Variants in GRIK2 observed in about 807,000 individuals in gnomAD.
The protein encoded by GRIK2 is glutamate receptor ionotropic, kainate 2.
GRIK2 carries 32 observed loss-of-function variants against 100.3 expected under a neutral mutation model. The ratio of observed to expected loss-of-function variants is 0.32; its 90% confidence interval spans 0.24 to 0.43. The LOEUF (loss-of-function observed/expected upper bound fraction) is 0.43. GRIK2 is among the 20% of genes least tolerant of loss of function. The pLI is 1.00. For missense variants in GRIK2, 843 were observed against 1,114.9 expected, an observed-to-expected ratio of 0.76 and a Z score of 3.47; for synonymous variants, 417 against 389.4, an observed-to-expected ratio of 1.07 and a Z score of -0.83.
chr6:101,783,622 G>T (rs1287927212), intron 7 of GRIK2, among the ~76,000 whole-genome samples: 1 of 152,196 alleles, frequency 6.6e-6, no homozygotes, highest in East Asian at 1.9e-4. Flanking sequence ...AAGTACACAG[G>T]AAAGTGGGGA....
intron 12 of GRIK2, among the ~76,000 whole-genome samples, chr6:101,901,494 T>G (rs1350432100): frequency 6.7e-6 from 1 of 149,800 alleles, no homozygotes; most frequent in Non-Finnish European, 1.5e-5. Flanking sequence ...TTATAATAAT[T>G]TGTAATCCCA....
intron 14 of GRIK2, among the ~76,000 whole-genome samples, chr6:101,998,277 G>T (rs1475936591): frequency 6.6e-6 from 1 of 152,132 alleles, no homozygotes; most frequent in Non-Finnish European, 1.5e-5. Context: ...GTGGACCACA[G>T]TTGACTGCAG....
intron 11 of GRIK2, among the ~76,000 whole-genome samples, chr6:101,864,445 TG>T (rs1179580708): frequency 6.6e-6 from 1 of 152,174 alleles, no homozygotes. Context: ...TTTTAAAACC[TG>T]AGCCCTAGTC....
chr6:101,523,720 C>CTTTTTTTTTTTTTTTTTT (rs1163558120), intron 2 of GRIK2, among the ~76,000 whole-genome samples: 1 of 121,546 alleles, frequency 8.2e-6, no homozygotes. Flanking sequence ...ACTCCTAAGT[C>CTTTTTTTTTTTTTTTTTT]TTTTTTTTTT....
At chr6:101,526,952 G>A (rs190799562) in intron 2 of GRIK2, among the ~76,000 whole-genome samples, 6 of 152,272 alleles carry the variant, frequency 3.9e-5, no homozygotes, top group East Asian at 1.9e-4. Context: ...AGGTTCCAAC[G>A]GGTGTACATC....
intron 7 of GRIK2, 62 bp from the exon 8 acceptor site, chr6:101,799,586 C>A: frequency 7.4e-7 from 1 of 1,354,326 alleles, no homozygotes; most frequent in South Asian, 1.2e-5. Flanking sequence ...TCCTTGCAAA[C>A]CATCTACCAC....
At chr6:101,792,241 C>G (rs963244993) in intron 7 of GRIK2, among the ~76,000 whole-genome samples, 2 of 151,240 alleles carry the variant, frequency 1.3e-5, no homozygotes, top group African/African-American at 4.9e-5. Flanking sequence ...TGAATTTGAT[C>G]CTGTCATTAT....
At chr6:101,571,594 G>T (rs1478667977) in intron 2 of GRIK2, among the ~76,000 whole-genome samples, 1 of 151,968 alleles carries the variant, frequency 6.6e-6, no homozygotes, top group African/African-American at 2.4e-5. Context: ...TAGTGATTCT[G>T]GCCTGGAAAT....
intron 2 of GRIK2, among the ~76,000 whole-genome samples, chr6:101,546,492 A>G (rs1002182882): frequency 6.6e-6 from 1 of 152,206 alleles, no homozygotes; most frequent in Non-Finnish European, 1.5e-5. Context: ...TTAAGAGCAC[A>G]GATTAGAGAC....
chr6:101,706,573 G>A (rs1270871707), intron 7 of GRIK2, among the ~76,000 whole-genome samples: 2 of 151,944 alleles, frequency 1.3e-5, no homozygotes, highest in Non-Finnish European at 2.9e-5. Context: ...AGATATGCCT[G>A]TGAAAGATAA....
intron 8 of GRIK2, 143 bp downstream of exon 8, chr6:101,799,934 CATTTTTACTAAATA>C (rs1360649868): frequency 1.6e-6 from 1 of 639,072 alleles, no homozygotes; most frequent in Non-Finnish European, 2.7e-6. Flanking sequence ...GCAAAATTAA[CATTTTTACTAAATA>C]ATACCAAATG....
At chr6:101,508,422 A>G (rs953709058) in intron 2 of GRIK2, among the ~76,000 whole-genome samples, 1 of 152,048 alleles carries the variant, frequency 6.6e-6, no homozygotes, top group Non-Finnish European at 1.5e-5. Context: ...CGTTCCTGAG[A>G]CTAAGTCATC....
rs114270740 is a variant in GRIK2, at chr6:101,966,812, C to T, written c.2085+38180C>T. Among the ~76,000 whole-genome samples, 1,245 of 152,170 alleles carry T rather than the reference C, an allele frequency of 8.2e-3. 17 individuals are homozygous for T. Among genetic ancestry groups the T allele is most frequent in the African/African-American group, 0.029 (1,194 of 41,538 alleles). On this transcript the variant is annotated intron_variant, in intron 14 of 16. Coordinates refer to ENST00000369134, the MANE Select transcript of GRIK2 (RefSeq NM_021956.5). Reference sequence around the variant, plus strand: ...TTTAATGGTTGATTTTTAGCTAAGTCTTATAATCCAAGGCAAATACAATTT... The same window carrying T: ...TTTAATGGTTGATTTTTAGCTAAGTTTTATAATCCAAGGCAAATACAATTT...
At chr6:101,805,670 C>G (rs534484432) in intron 9 of GRIK2, among the ~76,000 whole-genome samples, 3 of 151,984 alleles carry the variant, frequency 2.0e-5, no homozygotes, top group African/African-American at 7.2e-5. Context: ...TAGAGGAAAC[C>G]TGCCAATAAT....
chr6:101,698,618 T>TAGCA (rs1772664182), intron 7 of GRIK2, among the ~76,000 whole-genome samples: 1 of 152,130 alleles, frequency 6.6e-6, no homozygotes, highest in Non-Finnish European at 1.5e-5. Flanking sequence ...TATGTATTGC[T>TAGCA]ATTCATTCAT....
chr6:101,532,574 A>T (rs1775497892), intron 2 of GRIK2, among the ~76,000 whole-genome samples: 1 of 150,424 alleles, frequency 6.6e-6, no homozygotes, highest in Non-Finnish European at 1.5e-5. Flanking sequence ...TGTCCTTAAT[A>T]TAACACTTTT....
intron 7 of GRIK2, among the ~76,000 whole-genome samples, chr6:101,694,848 T>G (rs1772365945): frequency 6.6e-6 from 1 of 151,750 alleles, no homozygotes; most frequent in African/African-American, 2.4e-5. Flanking sequence ...CTTTGGAATT[T>G]GTTTTTGGCT....
At chr6:101,414,083 G>A (rs1776001881) in intron 2 of GRIK2, among the ~76,000 whole-genome samples, 1 of 152,154 alleles carries the variant, frequency 6.6e-6, no homozygotes, top group African/African-American at 2.4e-5. Context: ...ATAGACATAG[G>A]TAACCACATA....
chr6:101,904,651 C>T (rs1182746861), intron 12 of GRIK2, among the ~76,000 whole-genome samples: 11 of 151,434 alleles, frequency 7.3e-5, no homozygotes, highest in Non-Finnish European at 1.5e-5. Context: ...GAAAAATCCT[C>T]ACAACCTAGC....
Sources: gnomAD v4.1 joint callset for allele counts (sites outside exome capture counted in the v4.1 genomes callset) on GRCh38, gnomAD v4.1.1 for gene constraint, MANE v1.5 for transcripts, NCBI Gene and HGNC (gene_info 2026-07-23, HGNC 2026-07-21) for gene names.